Variants in MYOF observed in about 807,000 individuals in gnomAD.
MYOF encodes the protein myoferlin, also known as fer-1-like 3, myoferlin.
A neutral mutation model predicts 284.2 loss-of-function variants in MYOF; 244 were observed. That is an observed-to-expected ratio of 0.86 (90% CI 0.77 to 0.95). The LOEUF is 0.95. Ranked by LOEUF, MYOF falls within the 40% of genes least tolerant of loss-of-function variation. The pLI, the probability that MYOF is intolerant of heterozygous loss-of-function variation, is 0.00. For missense variants in MYOF, 2,496 were observed against 2,560.6 expected (o/e 0.97, Z 0.54); for synonymous variants, 904 against 919.7 (o/e 0.98, Z 0.31).
Position 93,404,004 on chromosome 10 carries a change from G to A in MYOF, c.843+19C>T. ...CTCATCTTTCTGTAAGTTGAATGAA[G>A]CAGACTGTTGTCACTCACCTTAAAT... On this transcript the variant is annotated intron_variant, in intron 9 of 53. Transcript: ENST00000359263. 1 of 1,611,634 alleles carries A rather than the reference G, an allele frequency of 6.2e-7. No individual in the cohort carries two copies. The highest frequency in any genetic ancestry group is 8.5e-7 in the Non-Finnish European group (1 of 1,177,770).
At position 93,350,042 on chromosome 10, in the gene MYOF, G is replaced by A. The variant is rs878919150; in HGVS notation, c.3922-73C>T. 3.1e-5 allele frequency: 44 copies of A among 1,429,536 alleles called. 2 individuals carry two copies. The South Asian group carries it at 5.0e-4, about 16-fold the overall frequency. 88.6% of individuals were successfully genotyped at this position (1,429,536 alleles called of 1,614,324 possible). A position where few individuals can be genotyped will look rare whatever the true frequency, so the allele number is the denominator to read the frequency against. On this transcript the variant is annotated intron_variant, in intron 35 of 53. Transcript: ENST00000359263. ...AATAATATTCAAAAGGAAAAATTCT[G>A]TCTTAATTACTGGCAAAGTCTTTAA...
At position 93,313,183 on chromosome 10, in the gene MYOF, G is replaced by A. The variant is rs898897534; in HGVS notation, c.5726C>T (p.Thr1909Met). 1.1e-5 allele frequency: 18 copies of A among 1,613,418 alleles called. No homozygotes were observed. The highest frequency in any genetic ancestry group is 2.7e-5 in the African/African-American group (2 of 74,900). ...CTCTGGTGATTTTGCAGGAATGATC[G>A]TGTGACGCAAGTCAAGTTCTAGGAA... ...LGFLELDLRH[T>M]IIPAKSPEKC... Residue 1909 changes from threonine (T) to methionine (M), a missense_variant, in exon 51 of 54, where the codon ACG (threonine) becomes ATG (methionine). Around this residue, in one of 3 missense-constraint regions of MYOF, gnomAD observed 2,436 missense variants for 2,480.7 expected, o/e 0.98. Transcript: ENST00000359263.
intron 30 of MYOF, 88 bp downstream of exon 30, chr10:93,356,587 A>T: frequency 2.9e-6 from 4 of 1,373,120 alleles, no homozygotes; most frequent in Non-Finnish European, 4.0e-6. Flanking sequence ...GGTTACAGGG[A>T]CCTCTATGGA....
intron 53 of MYOF, 56 bp from the exon 54 acceptor site, chr10:93,307,057 G>GT (rs1842133640): frequency 1.3e-6 from 2 of 1,483,978 alleles, no homozygotes; most frequent in Non-Finnish European, 1.9e-6. Context: ...ATGTTTTTCA[G>GT]TTAGGGTTTC....
rs142373671 is a variant in MYOF at position 93,326,842 on chromosome 10, G to A, written c.5132-877C>T. On this transcript the variant is annotated intron_variant, in intron 45 of 53. Coordinates refer to ENST00000359263, the MANE Select transcript of MYOF (RefSeq NM_013451.4). ...GTTTCACTATGTTGGCCAGGCTGGT[G>A]TCGAACTCCTGGGCTCAGGCGATCT... is the stretch of plus-strand genomic sequence containing the variant. Among the ~76,000 whole-genome samples, 24 of 152,070 alleles carry A rather than the reference G, an allele frequency of 1.6e-4. 2 individuals are homozygous for A. Among genetic ancestry groups the A allele is most frequent in the African/African-American group, 5.6e-4 (23 of 41,398 alleles).
intron 35 of MYOF, among the ~76,000 whole-genome samples, chr10:93,350,312 CTTT>C (rs369003989): frequency 6.7e-6 from 1 of 148,156 alleles, no homozygotes; most frequent in African/African-American, 2.5e-5. Context: ...CACCTGTAAA[CTTT>C]TTTTTTTTCT....
chr10:93,469,010 C>T (rs985591773), intron 1 of MYOF, among the ~76,000 whole-genome samples: 2 of 152,220 alleles, frequency 1.3e-5, no homozygotes, highest in African/African-American at 4.8e-5. Context: ...CAGCTTTGGC[C>T]TCCCTTGATA....
chr10:93,330,653 T>C (rs1265278822), intron 43 of MYOF, among the ~76,000 whole-genome samples: 1 of 152,106 alleles, frequency 6.6e-6, no homozygotes, highest in African/African-American at 2.4e-5. Context: ...GGGTGGGCGA[T>C]GTATGCTAGA....
intron 4 of MYOF, among the ~76,000 whole-genome samples, chr10:93,426,479 C>A (rs990695372): frequency 6.6e-6 from 1 of 152,120 alleles, no homozygotes; most frequent in Non-Finnish European, 1.5e-5. Context: ...CTGGAGATGC[C>A]CTCCCATCAC....
In MYOF at chr10:93,372,986, T is replaced by G. The variant is rs1564659266; in HGVS notation, c.2401A>C (p.Ser801Arg). ...TATTTTCCAGATGCATTCTCACCAC[T>G]GGTGGAGTACAAGACCTGATGTGCG... is the stretch of plus-strand genomic sequence containing the variant. ...IPAHQVLYST[S>R]GENASGKYCG... is the part of the protein sequence containing the mutation. Residue 801 changes from serine to arginine, a missense_variant, in exon 24 of 54, where the codon AGT becomes CGT. By Grantham distance (110) the Ser-to-Arg change is moderately radical (BLOSUM62 -1). Transcript: ENST00000359263. 6.2e-7 allele frequency: 1 copy of G among 1,614,242 alleles called. No individual in the cohort carries two copies. The highest frequency in any genetic ancestry group is 2.2e-5 in the East Asian group (1 of 44,888).
chr10:93,479,098 C>T (rs1368415359), intron 1 of MYOF, among the ~76,000 whole-genome samples: 1 of 151,730 alleles, frequency 6.6e-6, no homozygotes, highest in Non-Finnish European at 1.5e-5. Flanking sequence ...TCTGTTAACA[C>T]AGGGACTTTC....
intron 36 of MYOF, 52 bp downstream of exon 36, chr10:93,349,756 A>G: frequency 6.4e-7 from 1 of 1,567,194 alleles, no homozygotes; most frequent in Non-Finnish European, 8.7e-7. Flanking sequence ...TGTGAGGCAC[A>G]TACTTTCATA....
intron 3 of MYOF, among the ~76,000 whole-genome samples, chr10:93,442,041 C>CACACACACACACACACAGAG (rs57700900): frequency 6.3e-5 from 9 of 142,626 alleles, no homozygotes; most frequent in Admixed American, 2.1e-4. Context: ...CACACACACA[C>CACACACACACACACACAGAG]AGAATAAACC....
intron 5 of MYOF, among the ~76,000 whole-genome samples, chr10:93,417,288 G>T (rs566585976): frequency 2.0e-4 from 30 of 152,082 alleles, no homozygotes; most frequent in Admixed American, 1.4e-3. Flanking sequence ...TGATGTTTCC[G>T]CTAACATTTG....
intron 26 of MYOF, among the ~76,000 whole-genome samples, chr10:93,364,879 C>T (rs560414501): frequency 2.6e-5 from 4 of 152,266 alleles, no homozygotes; most frequent in African/African-American, 9.6e-5. Context: ...GTCCCAATCA[C>T]TTATATGAAT....
At chr10:93,424,731 G>A (rs1256591017) in intron 5 of MYOF, among the ~76,000 whole-genome samples, 1 of 152,050 alleles carries the variant, frequency 6.6e-6, no homozygotes, top group Non-Finnish European at 1.5e-5. Context: ...AGGGGCAGGG[G>A]CGGAGGTCAG....
intron 3 of MYOF, among the ~76,000 whole-genome samples, chr10:93,450,129 C>T (rs2056549286): frequency 6.6e-6 from 1 of 152,088 alleles, no homozygotes; most frequent in Non-Finnish European, 1.5e-5. Flanking sequence ...TGCAGTAGCT[C>T]ACACCTGTAA....
At chr10:93,388,056 C>A in intron 18 of MYOF, 143 bp from the exon 19 acceptor site, 2 of 664,086 alleles carry the variant, frequency 3.0e-6, no homozygotes. Flanking sequence ...GCAACTCTCC[C>A]AGCTGGATTC....
At chr10:93,481,957 G>C in intron 1 of MYOF, 150 bp downstream of exon 1, 2 of 663,510 alleles carry the variant, frequency 3.0e-6, no homozygotes, top group Non-Finnish European at 5.1e-6. Flanking sequence ...CCCCAGAAAC[G>C]GGTCCTCTCC....
Sources: gnomAD v4.1 joint callset for allele counts (sites outside exome capture counted in the v4.1 genomes callset) on GRCh38, gnomAD v4.1.1 for gene constraint, gnomAD v4.1.1 regional missense constraint, MANE v1.5 for transcripts, NCBI Gene and HGNC (gene_info 2026-07-23, HGNC 2026-07-21) for gene names.